Variants in MOBP observed in about 807,000 individuals in gnomAD.
The protein encoded by MOBP is myelin-associated oligodendrocyte basic protein.
A neutral mutation model predicts 15.0 loss-of-function variants in MOBP; 5 were observed. The ratio of observed to expected loss-of-function variants is 0.33; its 90% CI spans 0.17 to 0.70. The LOEUF (loss-of-function observed/expected upper bound fraction) is 0.70. Among genes scored for constraint, MOBP ranks in the 30% least tolerant of loss-of-function variants. The pLI is 0.67. For missense variants in MOBP, 188 were observed against 257.8 expected (o/e 0.73, Z 1.85); for synonymous variants, 88 against 99.0 (o/e 0.89, Z 0.66).
At chr3:39,475,833 C>T (rs1397140306) in intron 1 of MOBP, among the ~76,000 whole-genome samples, 1 of 152,186 alleles carries the variant, frequency 6.6e-6, no homozygotes, top group Non-Finnish European at 1.5e-5. Context: ...TCAATCACCT[C>T]TTTAATGAGC....
At chr3:39,495,310 ATGAAT>A (rs60515404) in intron 2 of MOBP, among the ~76,000 whole-genome samples, 41,687 of 151,844 alleles carry the variant, frequency 0.27, 6,812 homozygotes, top group African/African-American at 0.46. Flanking sequence ...GTAATAACTG[ATGAAT>A]TGAAGAAGAA....
chr3:39,482,173 G>GACA (rs1286959736), intron 2 of MOBP, among the ~76,000 whole-genome samples: 3 of 151,898 alleles, frequency 2.0e-5, no homozygotes, highest in Non-Finnish European at 4.4e-5. Context: ...TTGCTCAAAC[G>GACA]ACACACCTTG....
intron 2 of MOBP, among the ~76,000 whole-genome samples, chr3:39,496,441 C>G (rs112993643): frequency 0.087 from 13,140 of 151,692 alleles, 916 homozygotes; most frequent in African/African-American, 0.19. Flanking sequence ...CCTCATGATC[C>G]GCCCACCTTG....
At chr3:39,499,010 C>T (rs1323541541) in intron 2 of MOBP, among the ~76,000 whole-genome samples, 1 of 152,094 alleles carries the variant, frequency 6.6e-6, no homozygotes, top group Non-Finnish European at 1.5e-5. Flanking sequence ...ATTTCTCAAA[C>T]AGTTGGAGTA....
Position 39,502,453 on chromosome 3 carries a change from C to T in MOBP, c.207-82C>T. 9 of 1,531,204 alleles carry T rather than the reference C, an allele frequency of 5.9e-6. No homozygotes were observed. Among genetic ancestry groups the T allele is most frequent in the Non-Finnish European group, 7.0e-6 (8 of 1,144,698 alleles). 94.9% of individuals were successfully genotyped at this position (1,531,204 alleles called of 1,614,324 possible). ...GGGTGGGGGAGCAGGGCCTTCCTAC[C>T]TGTTTCCAGCTCCTGCCAGCGTCGC... On this transcript the variant is annotated intron_variant, in intron 3 of 3. Coordinates refer to ENST00000684792, the MANE Select transcript of MOBP (RefSeq NM_001393704.1). The surrounding 1 kb of genome is among the most constrained non-coding windows in gnomAD (Gnocchi z 6.3).
At chr3:39,476,818 C>T (rs2042551658) in intron 1 of MOBP, among the ~76,000 whole-genome samples, 1 of 152,048 alleles carries the variant, frequency 6.6e-6, no homozygotes, top group East Asian at 1.9e-4. Flanking sequence ...TTTTGTCATA[C>T]ATTATGCTTA....
At chr3:39,477,963 C>A (rs1464622033) in intron 1 of MOBP, among the ~76,000 whole-genome samples, 1 of 151,894 alleles carries the variant, frequency 6.6e-6, no homozygotes. Context: ...ACAAAAGAGT[C>A]AAAAACTTAA....
At chr3:39,491,362 A>T (rs985189534) in intron 2 of MOBP, among the ~76,000 whole-genome samples, 7 of 152,152 alleles carry the variant, frequency 4.6e-5, no homozygotes, top group Non-Finnish European at 1.0e-4. Flanking sequence ...AATAAGGATA[A>T]ATGTAATCTA....
rs1559412233 is a variant in MOBP at position 39,469,164 on chromosome 3, G to GTGTGTGTA, written c.-89+1425_-89+1426insGTGTGTAT. 1.4e-3 allele frequency among the ~76,000 whole-genome samples: 59 copies of GTGTGTGTA among 42,996 alleles called. 16 individuals carry two copies. The highest frequency in any genetic ancestry group is 4.1e-3 in the African/African-American group (18 of 4,390). 28.2% of individuals were successfully genotyped at this position (42,996 alleles called of 152,430 possible). A position where few individuals can be genotyped will look rare whatever the true frequency, so the allele number is the denominator to read the frequency against. ...TATACATATATACATATGTGTGTGT[G>GTGTGTGTA]TATACATATATACATGTGTGTGTGT... is the stretch of plus-strand genomic sequence containing the variant. On this transcript the variant is annotated intron_variant, in intron 1 of 3. Coordinates refer to ENST00000684792, the MANE Select transcript of MOBP (RefSeq NM_001393704.1).
At chr3:39,488,673 A>G (rs1240673040) in intron 2 of MOBP, among the ~76,000 whole-genome samples, 1 of 152,082 alleles carries the variant, frequency 6.6e-6, no homozygotes, top group Non-Finnish European at 1.5e-5. Context: ...TTTTCCCCCC[A>G]GCCTTCCCCA....
downstream of MOBP, among the ~76,000 whole-genome samples, chr3:39,518,778 A>C (rs948407483): frequency 1.3e-5 from 2 of 152,218 alleles, no homozygotes; most frequent in African/African-American, 4.8e-5. Flanking sequence ...TCATGTTTAC[A>C]TGCAGATCAA....
intron 2 of MOBP, among the ~76,000 whole-genome samples, chr3:39,485,979 T>G (rs1029400117): frequency 6.6e-6 from 1 of 152,256 alleles, no homozygotes; most frequent in African/African-American, 2.4e-5. Context: ...GTAAACATCC[T>G]GGTTACTAAA....
intron 1 of MOBP, among the ~76,000 whole-genome samples, chr3:39,478,026 G>C (rs2042567130): frequency 6.6e-6 from 1 of 151,904 alleles, no homozygotes; most frequent in Non-Finnish European, 1.5e-5. Context: ...ATTTATTTTT[G>C]AAGAAAGAAA....
In MOBP at chr3:39,502,887, C is replaced by A; in HGVS notation, c.*7C>A. 3 of 1,183,298 alleles carry A rather than the reference C, an allele frequency of 2.5e-6. No individual in the cohort carries two copies. Among genetic ancestry groups the A allele is most frequent in the African/African-American group, 1.5e-5 (1 of 65,148 alleles). 73.3% of individuals were successfully genotyped at this position (1,183,298 alleles called of 1,614,324 possible). A position where few individuals can be genotyped will look rare whatever the true frequency, so the allele number is the denominator to read the frequency against. ...AGCTTCTAGGTTCTGGTAACACCAT[C>A]TCTTCCCTTTTGTTCCCCAGCCCTA... On this transcript the variant is annotated 3_prime_UTR_variant, in exon 4 of 4. Coordinates refer to ENST00000684792, the MANE Select transcript of MOBP (RefSeq NM_001393704.1). The surrounding 1 kb of genome is among the most constrained non-coding windows in gnomAD (Gnocchi z 6.3).
intron 2 of MOBP, among the ~76,000 whole-genome samples, chr3:39,488,174 G>T (rs1316620681): frequency 6.6e-6 from 1 of 151,928 alleles, no homozygotes; most frequent in Non-Finnish European, 1.5e-5. Flanking sequence ...CTCTTCCTGG[G>T]TGTTCTCCTG....
chr3:39,502,434 G>A lies in MOBP; in HGVS notation c.207-101G>A. ...TCCAGGGAGACTGGAAGGTGGGTGGGGGAGCAGGGCCTTCCTACCTGTTTC... is the reference window on the plus strand; with the variant it reads ...TCCAGGGAGACTGGAAGGTGGGTGGAGGAGCAGGGCCTTCCTACCTGTTTC... On this transcript the variant is annotated intron_variant, in intron 3 of 3. Transcript: ENST00000684792. The surrounding 1 kb of genome is among the most constrained non-coding windows in gnomAD (Gnocchi z 6.3). The A allele has an allele frequency of 6.6e-7, 1 of 1,522,514 alleles. No homozygotes were observed. The highest frequency in any genetic ancestry group is 8.8e-7 in the Non-Finnish European group (1 of 1,139,816). 94.3% of individuals were successfully genotyped at this position (1,522,514 alleles called of 1,614,324 possible). A position where few individuals can be genotyped will look rare whatever the true frequency, so the allele number is the denominator to read the frequency against.
At chr3:39,478,466 T>A (rs746238670) in intron 1 of MOBP, among the ~76,000 whole-genome samples, 55 of 152,312 alleles carry the variant, frequency 3.6e-4, no homozygotes, top group Admixed American at 1.1e-3. Flanking sequence ...GCCCTGTCAT[T>A]AAGCAACACA....
intron 2 of MOBP, among the ~76,000 whole-genome samples, chr3:39,495,709 C>T (rs568655505): frequency 2.2e-5 from 3 of 134,460 alleles, no homozygotes; most frequent in East Asian, 2.2e-4. Context: ...ACTGTGATTG[C>T]ACCACTGTAC....
chr3:39,506,059 A>C (rs1166057967), downstream of MOBP, among the ~76,000 whole-genome samples: 2 of 147,800 alleles, frequency 1.4e-5, no homozygotes, highest in Admixed American at 6.8e-5. Flanking sequence ...CCAGTCCCCC[A>C]CCCCTCCCTG....
Sources: allele counts gnomAD v4.1 joint callset (sites outside exome capture counted in the v4.1 genomes callset), GRCh38; gene constraint gnomAD v4.1.1; non-coding constraint Gnocchi (gnomAD v3.1); transcripts MANE v1.5; gene names NCBI Gene and HGNC (gene_info 2026-07-23, HGNC 2026-07-21).